Variants in MACROD1 observed in about 807,000 individuals in gnomAD.
MACROD1 encodes the protein ADP-ribose glycohydrolase MACROD1.
In MACROD1, 31 loss-of-function variants were observed where a neutral mutation model predicts 41.4. The observed-to-expected ratio is 0.75, with a 90% CI of 0.56 to 1.01. The LOEUF is 1.01. Among genes scored for constraint, MACROD1 ranks in the 50% least tolerant of loss-of-function variants. The probability of loss-of-function intolerance (pLI) is 0.00; values close to 1 mark genes in which losing one functional copy is unlikely to be tolerated. For synonymous variants in MACROD1, 252 were observed against 203.4 expected (o/e 1.24, Z -2.03); for missense variants, 473 against 460.0 (o/e 1.03, Z -0.26).
chr11:64,086,958 G>A (rs1234872519), intron 3 of MACROD1: 1 of 152,156 alleles, frequency 6.6e-6, no homozygotes, highest in African/African-American at 2.4e-5. Flanking sequence ...ATGAAGAGAA[G>A]CCTTTTGACG....
Position 64,149,141 on chromosome 11 carries a change from G to A in MACROD1, c.517+2098C>T, listed in dbSNP as rs572187633. Reference sequence around the variant, plus strand: ...ATTTGCAGGAGGTACCATGTCCCTCGGCACCGCTGGGACAGGGGTGATGCC... The same window carrying A: ...ATTTGCAGGAGGTACCATGTCCCTCAGCACCGCTGGGACAGGGGTGATGCC... On this transcript the variant is annotated intron_variant, in intron 3 of 10. Coordinates refer to ENST00000255681, the MANE Select transcript of MACROD1 (RefSeq NM_014067.4). 309 of 439,854 alleles carry A rather than the reference G, an allele frequency of 7.0e-4. 1 individual carries two copies. Among genetic ancestry groups the A allele is most frequent in the Non-Finnish European group, 3.2e-4 (106 of 331,302 alleles). 27.2% of individuals were successfully genotyped at this position (439,854 alleles called of 1,614,324 possible).
At chr11:64,052,852 G>A (rs949974456) in intron 3 of MACROD1, among the ~76,000 whole-genome samples, 2 of 152,162 alleles carry the variant, frequency 1.3e-5, no homozygotes, top group Non-Finnish European at 2.9e-5. Context: ...GGTGCCAGCA[G>A]CTTTAATTAT....
chr11:64,004,071 G>A (rs778435375), intron 4 of MACROD1, among the ~76,000 whole-genome samples: 3 of 152,244 alleles, frequency 2.0e-5, no homozygotes, highest in Non-Finnish European at 2.9e-5. Context: ...TCTGCCCCAA[G>A]CCCTGGCCTC....
Position 64,080,211 on chromosome 11 carries a change from AC to A in MACROD1, c.518-64931del, listed in dbSNP as rs1294053979. 5.3e-5 allele frequency among the ~76,000 whole-genome samples: 8 copies of A among 152,166 alleles called. No homozygotes were observed. In the South Asian group the frequency reaches 1.7e-3, roughly 32 times the overall value. On this transcript the variant is annotated intron_variant, in intron 3 of 10. Coordinates refer to ENST00000255681, the MANE Select transcript of MACROD1 (RefSeq NM_014067.4). ...TATTTTTAGTAGAGACGGGGTATCA[AC>A]ATGTTGGCCAGGCTGGTCTCAAACT...
Position 64,082,740 on chromosome 11 carries a change from TCA to T in MACROD1, c.518-67461_518-67460del, listed in dbSNP as rs1944326485. On this transcript the variant is annotated intron_variant, in intron 3 of 10. Coordinates refer to ENST00000255681, the MANE Select transcript of MACROD1 (RefSeq NM_014067.4). This position sits in a 1 kb window ranked among gnomAD's most constrained non-coding sequence, Gnocchi z 4.5. ...ATGTGGAGCATCCTCCTGAGAGGACTCAGAGGGGATTCCTGGGCCTTGGCATT... is the reference window on the plus strand; with the variant it reads ...ATGTGGAGCATCCTCCTGAGAGGACTGAGGGGATTCCTGGGCCTTGGCATT... Among the ~76,000 whole-genome samples, 1 of 152,136 alleles carries T rather than the reference TCA, an allele frequency of 6.6e-6. No homozygotes were observed. The highest frequency in any genetic ancestry group is 1.5e-5 in the Non-Finnish European group (1 of 68,004).
At chr11:64,117,922 C>T in intron 3 of MACROD1, 1 of 1,613,916 alleles carries the variant, frequency 6.2e-7, no homozygotes, top group Non-Finnish European at 8.5e-7. Flanking sequence ...GCGAGCCTGC[C>T]CCTGGCGGGC....
At chr11:64,041,967 T>C (rs1316320201) in intron 3 of MACROD1, among the ~76,000 whole-genome samples, 1 of 152,196 alleles carries the variant, frequency 6.6e-6, no homozygotes, top group African/African-American at 2.4e-5. Flanking sequence ...TGCCCCACCC[T>C]GAGTGGGGAC....
At chr11:64,133,174 C>G (rs930899406) in intron 3 of MACROD1, among the ~76,000 whole-genome samples, 1 of 152,208 alleles carries the variant, frequency 6.6e-6, no homozygotes, top group African/African-American at 2.4e-5. Context: ...GGAGCCCCCA[C>G]GCTATGCCCC....
In MACROD1 at chr11:64,122,131, C is replaced by A. The variant is rs188558094; in HGVS notation, c.517+29108G>T. On this transcript the variant is annotated intron_variant, in intron 3 of 10. Transcript: ENST00000255681. The surrounding 1 kb of genome is among the most constrained non-coding windows in gnomAD (Gnocchi z 4.0). The stretch of plus-strand genomic sequence containing the variant: ...CTTAAGAGATTACTAAAAATAAAAT[C>A]TATTAATTAGTCATACTCAATTCCA... Among the ~76,000 whole-genome samples, 293 of 152,304 alleles carry A rather than the reference C, an allele frequency of 1.9e-3. 6 individuals carry two copies. The highest frequency in any genetic ancestry group is 2.2e-4 in the Non-Finnish European group (15 of 68,030).
chr11:64,116,935 G>A lies in MACROD1; in HGVS notation c.517+34304C>T. The A allele has an allele frequency of 6.2e-7, 1 of 1,611,286 alleles. No individual in the cohort carries two copies. The highest frequency in any genetic ancestry group is 1.6e-4 in the Middle Eastern group (1 of 6,062). ...CTGCATGCCTTCAAGGGCCTCAACA[G>A]CCTGCGGCGCCTGGTGCTGGACGGT... On this transcript the variant is annotated intron_variant, in intron 3 of 10. Coordinates refer to ENST00000255681, the MANE Select transcript of MACROD1 (RefSeq NM_014067.4).
At chr11:64,101,692 C>T (rs1420987565) in intron 3 of MACROD1, among the ~76,000 whole-genome samples, 4 of 152,178 alleles carry the variant, frequency 2.6e-5, no homozygotes, top group African/African-American at 4.8e-5. Flanking sequence ...TAGAGCCGGC[C>T]GCCCTCCCGC....
intron 3 of MACROD1, among the ~76,000 whole-genome samples, chr11:64,141,683 G>A (rs1265042754): frequency 6.6e-6 from 1 of 152,214 alleles, no homozygotes; most frequent in Non-Finnish European, 1.5e-5. Flanking sequence ...CGGGTGGACA[G>A]CACACCGGGG....
intron 3 of MACROD1, among the ~76,000 whole-genome samples, chr11:64,062,837 C>T (rs1429873521): frequency 1.3e-5 from 2 of 152,156 alleles, no homozygotes; most frequent in Non-Finnish European, 2.9e-5. Flanking sequence ...AGGGGCAGAA[C>T]TCAGCAGGGG....
At chr11:64,069,345 G>A (rs1944063642) in intron 3 of MACROD1, among the ~76,000 whole-genome samples, 1 of 152,200 alleles carries the variant, frequency 6.6e-6, no homozygotes, top group African/African-American at 2.4e-5. Context: ...GGGCACAGGA[G>A]GCTGCCAGAG....
chr11:64,094,731 T>C lies in MACROD1; in HGVS notation c.517+56508A>G, dbSNP rs149588693. On this transcript the variant is annotated intron_variant, in intron 3 of 10. Coordinates refer to ENST00000255681, the MANE Select transcript of MACROD1 (RefSeq NM_014067.4). The stretch of plus-strand genomic sequence containing the variant: ...GCTGACCACAGAGGCCAGAGGCCTC[T>C]CAATGCTGACCCCTATCTACCAGGA... Among the ~76,000 whole-genome samples, 23 of 152,314 alleles carry C rather than the reference T, an allele frequency of 1.5e-4. No homozygotes were observed. The East Asian group carries it at 4.1e-3, about 27-fold the overall frequency.
At chr11:64,152,445 G>T in intron 1 of MACROD1, 52 bp from the exon 2 acceptor site, 2 of 1,390,590 alleles carry the variant, frequency 1.4e-6, no homozygotes, top group Non-Finnish European at 2.0e-6. Flanking sequence ...CGGGCCTGGG[G>T]CTTGCACCCC....
At chr11:64,128,428 G>A (rs1449948507) in intron 3 of MACROD1, among the ~76,000 whole-genome samples, 3 of 152,184 alleles carry the variant, frequency 2.0e-5, no homozygotes, top group African/African-American at 7.2e-5. Context: ...AATCTACGTG[G>A]CTGAGTCAGG....
At chr11:64,140,752 C>T (rs1945401665) in intron 3 of MACROD1, among the ~76,000 whole-genome samples, 1 of 152,224 alleles carries the variant, frequency 6.6e-6, no homozygotes, top group Non-Finnish European at 1.5e-5. Flanking sequence ...AAAACAGGCT[C>T]AGAGAGGTTA....
At chr11:64,091,450 G>A (rs1461819156) in intron 3 of MACROD1, among the ~76,000 whole-genome samples, 1 of 148,036 alleles carries the variant, frequency 6.8e-6, no homozygotes, top group Non-Finnish European at 1.5e-5. Context: ...CTGCACTGGT[G>A]CCAGGGAGGT....
Sources: gnomAD v4.1 joint callset for allele counts (sites outside exome capture counted in the v4.1 genomes callset) on GRCh38, gnomAD v4.1.1 for gene constraint, Gnocchi (gnomAD v3.1) non-coding constraint, MANE v1.5 for transcripts, NCBI Gene and HGNC (gene_info 2026-07-23, HGNC 2026-07-21) for gene names.